Variants in CTDSPL observed in about 807,000 individuals in gnomAD.
The protein encoded by CTDSPL is CTD small phosphatase like.
CTDSPL carries 8 observed loss-of-function variants against 30.5 expected under a neutral mutation model. That is an observed-to-expected ratio of 0.26 (90% CI 0.15 to 0.47). CTDSPL has a LOEUF of 0.47. Among genes scored for constraint, CTDSPL ranks in the 20% least tolerant of loss-of-function variants. CTDSPL has a pLI of 0.99. For synonymous variants in CTDSPL, 110 were observed against 137.9 expected (o/e 0.80, Z 1.42); for missense variants, 248 against 366.1 (o/e 0.68, Z 2.63).
At chr3:37,934,772 T>G (rs149513323) in intron 1 of CTDSPL, among the ~76,000 whole-genome samples, 1 of 152,362 alleles carries the variant, frequency 6.6e-6, no homozygotes, top group African/African-American at 2.4e-5. Flanking sequence ...TCTGGAAGGA[T>G]AACAGGAGCT....
At chr3:37,896,214 G>A (rs1318315234) in intron 1 of CTDSPL, among the ~76,000 whole-genome samples, 1 of 152,184 alleles carries the variant, frequency 6.6e-6, no homozygotes, top group African/African-American at 2.4e-5. Flanking sequence ...ATTGAATGCA[G>A]AATTTGATAC....
intron 1 of CTDSPL, among the ~76,000 whole-genome samples, chr3:37,905,279 G>A (rs1299935523): frequency 2.0e-5 from 3 of 152,180 alleles, no homozygotes; most frequent in African/African-American, 7.2e-5. Flanking sequence ...TCATAAAGGG[G>A]GCAAGGTTTA....
At chr3:37,866,614 A>C (rs547134567) in intron 1 of CTDSPL, among the ~76,000 whole-genome samples, 1 of 152,260 alleles carries the variant, frequency 6.6e-6, no homozygotes, top group African/African-American at 2.4e-5. Flanking sequence ...AGTATGCAGT[A>C]TTAGCAAGAA....
intron 1 of CTDSPL, 96 bp from the exon 2 acceptor site, chr3:37,946,961 G>A: frequency 1.5e-6 from 2 of 1,377,104 alleles, no homozygotes; most frequent in Non-Finnish European, 1.9e-6. Flanking sequence ...GGAATCTGGG[G>A]TCTGGGGGGC....
In CTDSPL at chr3:37,972,106, G is replaced by A. The variant is rs147185611; in HGVS notation, c.519+607G>A. ...ACAGTGTCTGGCTCACATACAGCAA[G>A]TATTCATTGAGCACTTGCTGTGTTC... On this transcript the variant is annotated intron_variant, in intron 6 of 7. Transcript: ENST00000273179. Among the ~76,000 whole-genome samples the A allele has an allele frequency of 1.1e-3, 169 of 152,340 alleles. 2 individuals are homozygous for A. The East Asian group carries it at 0.021, about 19-fold the overall frequency.
chr3:37,928,206 C>G (rs1412551769), intron 1 of CTDSPL, among the ~76,000 whole-genome samples: 1 of 152,148 alleles, frequency 6.6e-6, no homozygotes, highest in African/African-American at 2.4e-5. Flanking sequence ...ACAAATAGCT[C>G]TTCAGGATTC....
intron 1 of CTDSPL, among the ~76,000 whole-genome samples, chr3:37,872,345 C>T (rs147800754): frequency 3.3e-5 from 5 of 151,794 alleles, no homozygotes; most frequent in East Asian, 1.9e-4. Context: ...TCATTCAGTT[C>T]GGGAAGTCCT....
chr3:37,929,721 G>A (rs1008371642), intron 1 of CTDSPL, among the ~76,000 whole-genome samples: 1 of 152,152 alleles, frequency 6.6e-6, no homozygotes, highest in Non-Finnish European at 1.5e-5. Context: ...TCATGTCGCT[G>A]TGATATTTTT....
intron 1 of CTDSPL, among the ~76,000 whole-genome samples, chr3:37,873,237 A>C (rs1698096527): frequency 6.6e-6 from 1 of 152,182 alleles, no homozygotes; most frequent in Non-Finnish European, 1.5e-5. Flanking sequence ...TTTCTCTGGC[A>C]TGAGTAGGTG....
intron 1 of CTDSPL, among the ~76,000 whole-genome samples, chr3:37,905,323 C>T (rs1303751434): frequency 6.6e-6 from 1 of 152,180 alleles, no homozygotes; most frequent in Admixed American, 6.5e-5. Flanking sequence ...AGTCAAATAA[C>T]GTTTTGATCT....
intron 1 of CTDSPL, among the ~76,000 whole-genome samples, chr3:37,874,234 G>C (rs11721120): frequency 6.6e-6 from 1 of 152,052 alleles, no homozygotes; most frequent in Non-Finnish European, 1.5e-5. Context: ...GAAGAACCCC[G>C]TTTGGCATGG....
Position 37,880,490 on chromosome 3 carries a change from A to G in CTDSPL, c.79+18212A>G, listed in dbSNP as rs185600566. On this transcript the variant is annotated intron_variant, in intron 1 of 7. Coordinates refer to ENST00000273179, the MANE Select transcript of CTDSPL (RefSeq NM_001008392.2). ...AGAATAAATTCTAAGCTCACCCAAG[A>G]TGACAGTCCACATTTCCTTATAATG... Among the ~76,000 whole-genome samples the G allele has an allele frequency of 4.3e-3, 652 of 152,332 alleles. 23 individuals carry two copies. The South Asian group carries it at 0.076, about 18-fold the overall frequency.
At chr3:37,913,001 AAGT>A (rs1221347236) in intron 1 of CTDSPL, among the ~76,000 whole-genome samples, 2 of 152,208 alleles carry the variant, frequency 1.3e-5, no homozygotes, top group Non-Finnish European at 2.9e-5. Flanking sequence ...GTTTGATTAG[AAGT>A]AGTTTGATGA....
intron 1 of CTDSPL, among the ~76,000 whole-genome samples, chr3:37,923,484 G>A (rs1053518875): frequency 1.3e-5 from 2 of 152,176 alleles, no homozygotes; most frequent in Non-Finnish European, 2.9e-5. Flanking sequence ...AGTCCCCAGC[G>A]TGTGGTGTCT....
At chr3:37,952,314 G>T (rs920445339) in intron 2 of CTDSPL, among the ~76,000 whole-genome samples, 1 of 152,204 alleles carries the variant, frequency 6.6e-6, no homozygotes, top group Admixed American at 6.5e-5. Context: ...CACATAAAAA[G>T]CCTGAGTCAG....
At chr3:37,872,189 G>T (rs1157580660) in intron 1 of CTDSPL, among the ~76,000 whole-genome samples, 1 of 152,084 alleles carries the variant, frequency 6.6e-6, no homozygotes. Context: ...AGAGTCGGGG[G>T]TCAGCCTATG....
At chr3:37,878,004 A>G (rs1575278074) in intron 1 of CTDSPL, among the ~76,000 whole-genome samples, 1 of 152,072 alleles carries the variant, frequency 6.6e-6, no homozygotes, top group African/African-American at 2.4e-5. Context: ...AGACATCCAA[A>G]CTATATCACC....
chr3:37,876,137 T>C (rs910197542), intron 1 of CTDSPL, among the ~76,000 whole-genome samples: 1 of 151,996 alleles, frequency 6.6e-6, no homozygotes, highest in Non-Finnish European at 1.5e-5. Context: ...CTCACCACTT[T>C]AGGAGGATGA....
At chr3:37,876,456 T>C (rs542972244) in intron 1 of CTDSPL, among the ~76,000 whole-genome samples, 56 of 152,330 alleles carry the variant, frequency 3.7e-4, no homozygotes, top group Admixed American at 1.9e-3. Context: ...TTCTAGTTGA[T>C]GTGCATCCTT....
Sources: gnomAD v4.1 joint callset for allele counts (sites outside exome capture counted in the v4.1 genomes callset) on GRCh38, gnomAD v4.1.1 for gene constraint, MANE v1.5 for transcripts, NCBI Gene and HGNC (gene_info 2026-07-23, HGNC 2026-07-21) for gene names.